Variants in HEATR3 observed in about 807,000 individuals in gnomAD.
The protein encoded by HEATR3 is HEAT repeat containing 3, also known as HEAT repeat-containing protein 3.
HEATR3 carries 56 observed loss-of-function variants against 72.8 expected under a neutral mutation model. The ratio of observed to expected loss-of-function variants is 0.77; its 90% CI spans 0.62 to 0.96. The LOEUF (loss-of-function observed/expected upper bound fraction) is 0.96. HEATR3 is among the 40% of genes least tolerant of loss of function. The pLI is 0.00. For missense variants in HEATR3, 747 were observed against 831.4 expected, an observed-to-expected ratio of 0.90 and a Z score of 1.25; for synonymous variants, 331 against 318.1, an observed-to-expected ratio of 1.04 and a Z score of -0.43.
chr16:50,084,327 T>A, intron 9 of HEATR3, 36 bp downstream of exon 9: 1 of 1,598,326 alleles, frequency 6.3e-7, no homozygotes, highest in Non-Finnish European at 8.5e-7. Context: ...CCGTGGAGCA[T>A]GGGAAAGGCT....
At chr16:50,070,974 G>A (rs1042117654) in intron 4 of HEATR3, among the ~76,000 whole-genome samples, 2 of 152,130 alleles carry the variant, frequency 1.3e-5, no homozygotes, top group Non-Finnish European at 2.9e-5. Flanking sequence ...AGACTGAGAT[G>A]GGGACCACAG....
chr16:50,099,376 G>A (rs956688096), intron 12 of HEATR3, among the ~76,000 whole-genome samples: 2 of 152,112 alleles, frequency 1.3e-5, no homozygotes, highest in Non-Finnish European at 2.9e-5. Context: ...AGCCTGAGGC[G>A]GGAGGATTGC....
At chr16:50,071,403 G>A (rs2036607851) in intron 4 of HEATR3, among the ~76,000 whole-genome samples, 2 of 152,312 alleles carry the variant, frequency 1.3e-5, no homozygotes, top group South Asian at 4.1e-4. Flanking sequence ...TGAGGAAATG[G>A]CATTTGAGCA....
chr16:50,099,273 T>A (rs2150627250), intron 12 of HEATR3, among the ~76,000 whole-genome samples: 1 of 152,206 alleles, frequency 6.6e-6, no homozygotes, highest in East Asian at 1.9e-4. Context: ...AGCAGCAGCT[T>A]ATGGGATCAG....
At chr16:50,090,428 G>A (rs1178847509) in intron 11 of HEATR3, among the ~76,000 whole-genome samples, 1 of 152,152 alleles carries the variant, frequency 6.6e-6, no homozygotes, top group Non-Finnish European at 1.5e-5. Context: ...ATGGTTGAGA[G>A]TTAAAGGTAT....
rs2036930838 is a variant in HEATR3, at chr16:50,084,046, T to G, written c.1132+19T>G. 6.2e-7 allele frequency: 1 copy of G among 1,613,720 alleles called. No individual in the cohort carries two copies. The highest frequency in any genetic ancestry group is 1.3e-5 in the African/African-American group (1 of 74,898). The stretch of plus-strand genomic sequence containing the variant: ...AATGAAGGTTTGTTAACATTTACAT[T>G]TAGACATTTTCCCCCTGAGCCAAGA... On this transcript the variant is annotated intron_variant, in intron 8 of 14. Coordinates refer to ENST00000299192, the MANE Select transcript of HEATR3 (RefSeq NM_182922.4).
At chr16:50,088,429 TC>T (rs2037036442) in intron 11 of HEATR3, among the ~76,000 whole-genome samples, 1 of 152,188 alleles carries the variant, frequency 6.6e-6, no homozygotes, top group South Asian at 2.1e-4. Context: ...GCTGGAATGA[TC>T]CCATGAAAGC....
intron 4 of HEATR3, among the ~76,000 whole-genome samples, chr16:50,071,610 A>G (rs1180449168): frequency 1.3e-5 from 2 of 152,196 alleles, no homozygotes; most frequent in Non-Finnish European, 2.9e-5. Context: ...TTCATCATTT[A>G]TATTTCAAAT....
Position 50,082,948 on chromosome 16 carries a change from G to C in HEATR3, c.1042-989G>C, listed in dbSNP as rs531460278. 5.3e-5 allele frequency among the ~76,000 whole-genome samples: 8 copies of C among 152,162 alleles called. No homozygotes were observed. In the East Asian group the frequency reaches 5.8e-4, roughly 11 times the overall value. ...TGGGATTACAGGCATGCACCGCCATGCCTGGCTAAGACCTTGTCTCTACAA... is the reference window on the plus strand; with the variant it reads ...TGGGATTACAGGCATGCACCGCCATCCCTGGCTAAGACCTTGTCTCTACAA... On this transcript the variant is annotated intron_variant, in intron 7 of 14. Transcript: ENST00000299192.
At chr16:50,079,072 C>T (rs2150604257) in intron 7 of HEATR3, 54 bp downstream of exon 7, 1 of 1,500,174 alleles carries the variant, frequency 6.7e-7, no homozygotes, top group Non-Finnish European at 9.0e-7. Context: ...TTTTTTTTTC[C>T]AGCAGTTATC....
At chr16:50,101,119 C>CT (rs200604017) in intron 13 of HEATR3, among the ~76,000 whole-genome samples, 11,140 of 112,780 alleles carry the variant, frequency 0.099, 489 homozygotes, top group Middle Eastern at 0.18. Context: ...TTTTTTTTTT[C>CT]TTTTTTTTTC....
intron 7 of HEATR3, chr16:50,080,341 G>A (rs569370952): frequency 6.8e-6 from 1 of 147,598 alleles, no homozygotes; most frequent in Admixed American, 6.7e-5. Flanking sequence ...GTTGCTCACA[G>A]ATTTTTTTTT....
intron 6 of HEATR3, among the ~76,000 whole-genome samples, chr16:50,078,487 C>G (rs1041421454): frequency 1.3e-5 from 2 of 152,174 alleles, no homozygotes; most frequent in African/African-American, 4.8e-5. Context: ...TCAGTGTTCT[C>G]TGGGTCTGCT....
chr16:50,068,879 T>G lies in HEATR3; in HGVS notation c.399+12T>G. ...CGCTGCTAAAAGAGGTATGCAGTTT[T>G]TACAGTATCTTGATGGTAGCTTTTG... On this transcript the variant is annotated intron_variant, in intron 3 of 14. Coordinates refer to ENST00000299192, the MANE Select transcript of HEATR3 (RefSeq NM_182922.4). 1 of 1,598,528 alleles carries G rather than the reference T, an allele frequency of 6.3e-7. No homozygotes were observed. The highest frequency in any genetic ancestry group is 8.6e-7 in the Non-Finnish European group (1 of 1,166,856).
chr16:50,088,918 G>T lies in HEATR3; in HGVS notation c.1510+2567G>T, dbSNP rs556248024. 2.0e-5 allele frequency among the ~76,000 whole-genome samples: 3 copies of T among 149,502 alleles called. No individual in the cohort carries two copies. In the East Asian group the frequency reaches 5.8e-4, roughly 29 times the overall value. On this transcript the variant is annotated intron_variant, in intron 11 of 14. Transcript: ENST00000299192. ...TCTCAGCTCTGGGCCATTTCTCACTGAGAGTCTGGTCCAGGTACCCCCGGT... is the reference window on the plus strand; with the variant it reads ...TCTCAGCTCTGGGCCATTTCTCACTTAGAGTCTGGTCCAGGTACCCCCGGT...
intron 2 of HEATR3, chr16:50,066,806 A>C: frequency 1.4e-5 from 5 of 361,814 alleles, no homozygotes; most frequent in East Asian, 4.1e-5. Context: ...CACTCTCCAA[A>C]AGCCCTCCTT....
intron 12 of HEATR3, among the ~76,000 whole-genome samples, chr16:50,097,907 G>C (rs1161848427): frequency 7.1e-6 from 1 of 141,404 alleles, no homozygotes; most frequent in Non-Finnish European, 1.5e-5. Context: ...AGTGTGACAA[G>C]AGTGAAACTC....
chr16:50,092,436 C>CTTTTGTCT (rs572496063), intron 11 of HEATR3, among the ~76,000 whole-genome samples: 3 of 106,030 alleles, frequency 2.8e-5, no homozygotes, highest in African/African-American at 3.7e-5. Flanking sequence ...TTTCTTTTTT[C>CTTTTGTCT]TTTTTTTTTT....
chr16:50,072,220 G>T (rs753101728), intron 4 of HEATR3, among the ~76,000 whole-genome samples: 1 of 152,114 alleles, frequency 6.6e-6, no homozygotes, highest in Non-Finnish European at 1.5e-5. Context: ...TAGGTACTGG[G>T]CCTGGCTCTA....
Sources: allele counts gnomAD v4.1 joint callset (sites outside exome capture counted in the v4.1 genomes callset), GRCh38; gene constraint gnomAD v4.1.1; transcripts MANE v1.5; gene names NCBI Gene and HGNC (gene_info 2026-07-23, HGNC 2026-07-21).